The following TUBGCP4 variants were observed in gnomAD, a reference collection of about 807,000 sequenced individuals.
TUBGCP4 encodes the protein gamma-tubulin complex component 4.
TUBGCP4 carries 54 observed loss-of-function variants against 91.6 expected under a neutral mutation model. That is an observed-to-expected ratio of 0.59 (90% CI 0.47 to 0.74). TUBGCP4 has a LOEUF of 0.74. Among genes scored for constraint, TUBGCP4 ranks in the 30% least tolerant of loss-of-function variants. The pLI is 0.00. For missense variants in TUBGCP4, 593 were observed against 800.9 expected (o/e 0.74, Z 3.13); for synonymous variants, 297 against 302.8 (o/e 0.98, Z 0.20).
At chr15:43,383,720 A>G (rs774957281) in intron 7 of TUBGCP4, among the ~76,000 whole-genome samples, 1 of 152,128 alleles carries the variant, frequency 6.6e-6, no homozygotes, top group African/African-American at 2.4e-5. Flanking sequence ...CAATATATGC[A>G]TTTGAGAGAT....
Position 43,407,931 on chromosome 15 carries a change from T to A in TUBGCP4, c.*2717T>A, listed in dbSNP as rs998071347. The A allele has an allele frequency of 1.4e-5, 22 of 1,608,564 alleles. No homozygotes were observed. Among genetic ancestry groups the A allele is most frequent in the Non-Finnish European group, 1.8e-5 (21 of 1,179,124 alleles). ...CCTGGAACAAAGACACTACACACAC[T>A]CTTTCAGGTACCTTTGTTATGGGCA... On this transcript the variant is annotated 3_prime_UTR_variant, in exon 18 of 18. Coordinates refer to ENST00000564079, the MANE Select transcript of TUBGCP4 (RefSeq NM_014444.5).
chr15:43,375,936 C>T (rs1237110326), intron 1 of TUBGCP4, among the ~76,000 whole-genome samples, 162 bp from the exon 2 acceptor site: 1 of 152,168 alleles, frequency 6.6e-6, no homozygotes, highest in Non-Finnish European at 1.5e-5. Context: ...GATAGGGAAC[C>T]CCTTTGAAGT....
At chr15:43,387,320 G>C (rs955115583) in intron 9 of TUBGCP4, among the ~76,000 whole-genome samples, 1 of 152,290 alleles carries the variant, frequency 6.6e-6, no homozygotes, top group Non-Finnish European at 1.5e-5. Context: ...TTTCAAAGGA[G>C]CATATATGTT....
Position 43,407,076 on chromosome 15 carries a change from G to A in TUBGCP4, c.*1862G>A, listed in dbSNP as rs867211206. 1 of 293,146 alleles carries A rather than the reference G, an allele frequency of 3.4e-6. No individual in the cohort carries two copies. Among genetic ancestry groups the A allele is most frequent in the Non-Finnish European group, 6.5e-6 (1 of 154,432 alleles). The allele number at this position is 293,146 out of a possible 1,614,324, so 18.2% of individuals were successfully genotyped here. Reference sequence around the variant, plus strand: ...TTTGGGAATGATGCCACAGAATAAAGTTCACTCTTAACTTTTCAATTTCCT... The same window carrying A: ...TTTGGGAATGATGCCACAGAATAAAATTCACTCTTAACTTTTCAATTTCCT... On this transcript the variant is annotated 3_prime_UTR_variant, in exon 18 of 18. Transcript: ENST00000564079.
chr15:43,407,414 G>T lies in TUBGCP4; in HGVS notation c.*2200G>T, dbSNP rs2044941485. On this transcript the variant is annotated 3_prime_UTR_variant, in exon 18 of 18. Coordinates refer to ENST00000564079, the MANE Select transcript of TUBGCP4 (RefSeq NM_014444.5). ...AGAAACATAATCGTGTTTATATTTT[G>T]GATGCTGCTTGAATCCAATTCTCTC... The T allele has an allele frequency of 6.2e-7, 1 of 1,614,024 alleles. No individual in the cohort carries two copies.
chr15:43,372,596 GAT>G (rs1006454121), intron 1 of TUBGCP4, among the ~76,000 whole-genome samples: 2 of 123,116 alleles, frequency 1.6e-5, no homozygotes, highest in African/African-American at 3.3e-5. Context: ...AATAAGAAGA[GAT>G]AACACAGTAC....
chr15:43,396,399 G>A (rs566937136), intron 11 of TUBGCP4, among the ~76,000 whole-genome samples: 1 of 152,222 alleles, frequency 6.6e-6, no homozygotes, highest in Non-Finnish European at 1.5e-5. Context: ...ACCCACTGAT[G>A]TCCATTCCCA....
chr15:43,409,121 T>C lies in TUBGCP4; in HGVS notation c.*3907T>C. 6.2e-7 allele frequency: 1 copy of C among 1,610,718 alleles called. No homozygotes were observed. Among genetic ancestry groups the C allele is most frequent in the Non-Finnish European group, 8.5e-7 (1 of 1,177,332 alleles). On this transcript the variant is annotated 3_prime_UTR_variant, in exon 18 of 18. Transcript: ENST00000564079. ...ACTGCAAGAAAAGAAGCAGAGCCAATGGGTTTGGTGACTTCTGTGGAAAGC... is the reference window on the plus strand; with the variant it reads ...ACTGCAAGAAAAGAAGCAGAGCCAACGGGTTTGGTGACTTCTGTGGAAAGC...
Position 43,388,627 on chromosome 15 carries a change from G to A in TUBGCP4, c.1014+2297G>A, listed in dbSNP as rs560688878. 9.2e-5 allele frequency among the ~76,000 whole-genome samples: 14 copies of A among 152,250 alleles called. 1 individual carries two copies. The highest frequency in any genetic ancestry group is 3.4e-4 in the African/African-American group (14 of 41,536). On this transcript the variant is annotated intron_variant, in intron 9 of 17. Coordinates refer to ENST00000564079, the MANE Select transcript of TUBGCP4 (RefSeq NM_014444.5). ...AAATCTTTGGAAAGTATAATTAATG[G>A]AAGAAAGTAAAATTGTACTGACTGA...
intron 13 of TUBGCP4, among the ~76,000 whole-genome samples, chr15:43,398,594 G>A (rs202048162): frequency 9.2e-5 from 14 of 152,160 alleles, no homozygotes; most frequent in African/African-American, 3.1e-4. Context: ...ATAATAAGCA[G>A]TTTGTTGGCT....
Position 43,409,455 on chromosome 15 carries a change from A to G in TUBGCP4, c.*4241A>G. On this transcript the variant is annotated 3_prime_UTR_variant, in exon 18 of 18. Coordinates refer to ENST00000564079, the MANE Select transcript of TUBGCP4 (RefSeq NM_014444.5). The stretch of plus-strand genomic sequence containing the variant: ...CAGAACCATAGCCATTAACTAACCC[A>G]AGGTCCTACCTTCTCTTCCCTATAC... The G allele has an allele frequency of 1.9e-6, 1 of 533,538 alleles. No individual in the cohort carries two copies. The highest frequency in any genetic ancestry group is 3.1e-5 in the South Asian group (1 of 32,068). 33.1% of individuals were successfully genotyped at this position (533,538 alleles called of 1,614,324 possible). A position where few individuals can be genotyped will look rare whatever the true frequency, so the allele number is the denominator to read the frequency against.
rs563575510 is a variant in TUBGCP4 at position 43,403,816 on chromosome 15, G to C, written c.1848+17G>C. 6.3e-6 allele frequency: 10 copies of C among 1,587,530 alleles called. No individual in the cohort carries two copies. In the Admixed American group the frequency reaches 1.7e-4, roughly 26 times the overall value. ...CTCGTGAAGGTGCGTCTGCCTGGAA[G>C]TATGCAGCCTTGCCGAAAGGACAGA... On this transcript the variant is annotated intron_variant, in intron 16 of 17. Transcript: ENST00000564079.
At chr15:43,397,104 G>A (rs2044594203) in intron 11 of TUBGCP4, 110 bp from the exon 12 acceptor site, 1 of 771,234 alleles carries the variant, frequency 1.3e-6, no homozygotes, top group South Asian at 1.4e-5. Context: ...GATGTCCACT[G>A]TGTCCTGCTG....
chr15:43,376,773 C>A (rs1242258032), intron 3 of TUBGCP4, 148 bp downstream of exon 3: 1 of 1,194,794 alleles, frequency 8.4e-7, no homozygotes, highest in Non-Finnish European at 1.2e-6. Flanking sequence ...CAGTGATTGC[C>A]CAACCTGTGA....
chr15:43,379,687 A>T (rs1290747620), intron 5 of TUBGCP4, among the ~76,000 whole-genome samples: 1 of 151,598 alleles, frequency 6.6e-6, no homozygotes. Context: ...GAGGCAGAGG[A>T]TTTTTGAAAA....
chr15:43,397,417 T>C (rs576237472), intron 12 of TUBGCP4, 96 bp downstream of exon 12: 1 of 972,068 alleles, frequency 1.0e-6, no homozygotes, highest in South Asian at 1.3e-5. Flanking sequence ...CCATATGATT[T>C]TGGATCTTAG....
At chr15:43,383,640 TTTATC>T in intron 7 of TUBGCP4, 136 bp downstream of exon 7, 1 of 673,374 alleles carries the variant, frequency 1.5e-6, no homozygotes, top group Middle Eastern at 4.3e-4. Flanking sequence ...AACATTCGGC[TTTATC>T]TTAACTAGTG....
intron 4 of TUBGCP4, chr15:43,377,480 G>A (rs993942608): frequency 9.3e-5 from 27 of 291,210 alleles, no homozygotes; most frequent in Non-Finnish European, 1.6e-4. Flanking sequence ...AAAATTAGTC[G>A]GTTGTGGTGG....
At position 43,405,196 on chromosome 15, in the gene TUBGCP4, T is replaced by C. The variant is rs987872971; in HGVS notation, c.1989-6T>C. 1.9e-6 allele frequency: 3 copies of C among 1,614,142 alleles called. No homozygotes were observed. Among genetic ancestry groups the C allele is most frequent in the East Asian group, 2.2e-5 (1 of 44,870 alleles). On this transcript the variant is annotated splice_polypyrimidine_tract_variant and splice_region_variant and intron_variant, in intron 17 of 17. Transcript: ENST00000564079. ...CACTTAATAAGGCTCTTTTTCTCTT[T>C]TGTAGTTTCGGGATGTGAAAATTTC...
Sources: allele counts gnomAD v4.1 joint callset (sites outside exome capture counted in the v4.1 genomes callset), GRCh38; gene constraint gnomAD v4.1.1; transcripts MANE v1.5; gene names NCBI Gene and HGNC (gene_info 2026-07-23, HGNC 2026-07-21).